Variants in C3orf20 observed in about 807,000 individuals in gnomAD.
C3orf20 encodes the protein uncharacterized protein C3orf20.
C3orf20 carries 76 observed loss-of-function variants against 88.3 expected under a neutral mutation model. The observed-to-expected ratio is 0.86, with a 90% CI of 0.72 to 1.04. The LOEUF is 1.04. C3orf20 is among the 50% of genes least tolerant of loss of function. The probability of loss-of-function intolerance (pLI) is 0.00; values close to 1 mark genes in which losing one functional copy is unlikely to be tolerated. For missense variants in C3orf20, 1,056 were observed against 1,123.3 expected (o/e 0.94, Z 0.86); for synonymous variants, 436 against 437.4 (o/e 1.00, Z 0.04).
intron 5 of C3orf20, among the ~76,000 whole-genome samples, chr3:14,700,722 C>T (rs923487541): frequency 1.3e-5 from 2 of 152,218 alleles, no homozygotes; most frequent in African/African-American, 4.8e-5. Flanking sequence ...TTAGCCTTGC[C>T]TCATAGCTCG....
intron 9 of C3orf20, 105 bp downstream of exon 9, chr3:14,715,514 C>G (rs967327449): frequency 7.3e-7 from 1 of 1,376,876 alleles, no homozygotes; most frequent in Non-Finnish European, 9.6e-7. Context: ...CAGGGCTACC[C>G]GTAAGACAGG....
intron 4 of C3orf20, among the ~76,000 whole-genome samples, chr3:14,685,629 G>T (rs1407085647): frequency 2.0e-5 from 3 of 151,928 alleles, no homozygotes; most frequent in Non-Finnish European, 4.4e-5. Context: ...CCTCTTATAA[G>T]TGAAAGTTTG....
At chr3:14,697,861 A>C (rs974152515) in intron 5 of C3orf20, among the ~76,000 whole-genome samples, 3 of 152,080 alleles carry the variant, frequency 2.0e-5, no homozygotes, top group African/African-American at 7.2e-5. Context: ...TTCCAGCTTC[A>C]TCCATGTCCC....
intron 12 of C3orf20, among the ~76,000 whole-genome samples, chr3:14,749,940 C>A (rs931018741): frequency 6.6e-6 from 1 of 151,640 alleles, no homozygotes; most frequent in African/African-American, 2.4e-5. Context: ...GCATTGTGTG[C>A]CCATTAACAC....
Position 14,718,902 on chromosome 3 carries a change from A to G in C3orf20, c.1435-2751A>G, listed in dbSNP as rs114552748. Among the ~76,000 whole-genome samples, 533 of 152,314 alleles carry G rather than the reference A, an allele frequency of 3.5e-3. 1 individual carries two copies. The highest frequency in any genetic ancestry group is 0.012 in the African/African-American group (509 of 41,570). ...TTCTGGCCTCTCCTTCTCTGGTGCT[A>G]TCCTTTCTGGAATTCTTTCTACACT... On this transcript the variant is annotated intron_variant, in intron 9 of 16. Transcript: ENST00000253697.
At chr3:14,758,319 G>T (rs2125032837) in intron 13 of C3orf20, among the ~76,000 whole-genome samples, 1 of 152,310 alleles carries the variant, frequency 6.6e-6, no homozygotes, top group East Asian at 1.9e-4. Flanking sequence ...TGCGAAGGGG[G>T]ACAGGAGAGA....
Position 14,690,079 on chromosome 3 carries a change from TTC to T in C3orf20, c.716_717del (p.Ser239CysfsTer13), listed in dbSNP as rs2032646959. 2 of 1,614,234 alleles carry T rather than the reference TTC, an allele frequency of 1.2e-6. No homozygotes were observed. The highest frequency in any genetic ancestry group is 4.5e-5 in the East Asian group (2 of 44,884). ...ACTCTTCCACAGCCTGTCTGAGCTT[TTC>T]TCTCTCTGCTGGAAAAGAAGCCAAG... ...YHSSTACLSF[S>X]LSAGKEAKKK... On this transcript the variant is annotated frameshift_variant, in exon 5 of 17. Transcript: ENST00000253697. LOFTEE classifies it high-confidence loss of function.
chr3:14,769,514 C>G (rs1473547822), intron 15 of C3orf20, among the ~76,000 whole-genome samples: 2 of 152,106 alleles, frequency 1.3e-5, no homozygotes, highest in Admixed American at 6.5e-5. Flanking sequence ...CCTTGCCCAC[C>G]TCAGAAGAGG....
At chr3:14,757,281 G>A in intron 12 of C3orf20, 90 bp from the exon 13 acceptor site, 14 of 1,153,242 alleles carry the variant, frequency 1.2e-5, no homozygotes, top group Non-Finnish European at 1.7e-5. Flanking sequence ...CTGCAGCAGG[G>A]CCTTTGACCA....
At chr3:14,685,856 C>CTTTTT (rs71038423) in intron 4 of C3orf20, among the ~76,000 whole-genome samples, 9 of 68,390 alleles carry the variant, frequency 1.3e-4, no homozygotes, top group Admixed American at 2.2e-4. Context: ...GCAGGATTTC[C>CTTTTT]TTTTTTTTTT....
chr3:14,719,418 T>C (rs2034066315), intron 9 of C3orf20, among the ~76,000 whole-genome samples: 1 of 152,152 alleles, frequency 6.6e-6, no homozygotes, highest in African/African-American at 2.4e-5. Context: ...GCATGGCCTG[T>C]AAGGGATAGA....
chr3:14,702,320 G>A (rs1283167885), intron 5 of C3orf20, among the ~76,000 whole-genome samples: 4 of 152,062 alleles, frequency 2.6e-5, no homozygotes, highest in Non-Finnish European at 5.9e-5. Flanking sequence ...CTCCCCCTGG[G>A]TCCCTCCCAC....
chr3:14,731,680 A>C (rs1394256816), intron 12 of C3orf20, among the ~76,000 whole-genome samples: 2 of 152,218 alleles, frequency 1.3e-5, no homozygotes, highest in Non-Finnish European at 2.9e-5. Context: ...GCAACTAGCA[A>C]AATTCCAGGC....
intron 15 of C3orf20, chr3:14,767,311 G>T (rs948104445): frequency 6.6e-6 from 1 of 152,394 alleles, no homozygotes; most frequent in African/African-American, 2.4e-5. Context: ...GGCAATGTGG[G>T]AGTCTGGTGG....
intron 5 of C3orf20, among the ~76,000 whole-genome samples, chr3:14,696,497 C>T (rs9866631): frequency 0.86 from 130,332 of 151,454 alleles, 56,181 homozygotes; most frequent in African/African-American, 0.89. Flanking sequence ...TTCAAGCAAG[C>T]CTCCTGCCTC....
intron 1 of C3orf20, among the ~76,000 whole-genome samples, chr3:14,678,662 A>G (rs17040133): frequency 0.01 from 1,558 of 152,280 alleles, 25 homozygotes; most frequent in African/African-American, 0.034. Flanking sequence ...TGCATCTTGA[A>G]GCTTTGTTTA....
At chr3:14,737,522 A>G (rs1274764180) in intron 12 of C3orf20, among the ~76,000 whole-genome samples, 1 of 152,260 alleles carries the variant, frequency 6.6e-6, no homozygotes, top group Non-Finnish European at 1.5e-5. Flanking sequence ...TGTACATACC[A>G]TAATTTTAAA....
intron 12 of C3orf20, among the ~76,000 whole-genome samples, chr3:14,738,595 TG>T (rs1187909964): frequency 6.7e-6 from 1 of 148,254 alleles, no homozygotes; most frequent in African/African-American, 2.5e-5. Flanking sequence ...CCTCCCAAAG[TG>T]CTGGGATTAC....
chr3:14,757,573 A>T lies in C3orf20; in HGVS notation c.2143A>T (p.Ile715Phe). The T allele has an allele frequency of 6.2e-7, 1 of 1,613,510 alleles. No individual in the cohort carries two copies. Among genetic ancestry groups the T allele is most frequent in the South Asian group, 1.1e-5 (1 of 91,062 alleles). Residue 715 changes from isoleucine (I) to phenylalanine (F), a missense_variant, in exon 13 of 17, where the codon ATC becomes TTC. Physicochemically the swap from Ile to Phe is conservative, Grantham distance 21. Transcript: ENST00000253697. ...CCCCAGCCAAGTGCTGGTGTTTGGG[A>T]TCATCTCAAGCCAGAACTACACCAG... ...RDPSQVLVFGIISSQNYTSTG... is the reference protein window; with the variant it reads ...RDPSQVLVFGFISSQNYTSTG...
Sources: allele counts gnomAD v4.1 joint callset (sites outside exome capture counted in the v4.1 genomes callset), GRCh38; gene constraint gnomAD v4.1.1; transcripts MANE v1.5; gene names NCBI Gene and HGNC (gene_info 2026-07-23, HGNC 2026-07-21).